The following PINLYP variants were observed in gnomAD, a reference collection of about 807,000 sequenced individuals.
PINLYP encodes phospholipase A2 inhibitor and LY6/PLAUR domain containing.
A neutral mutation model predicts 15.8 loss-of-function variants in PINLYP; 12 were observed. The observed-to-expected ratio is 0.76, with a 90% confidence interval of 0.49 to 1.23. PINLYP has a LOEUF of 1.23. Among genes scored for constraint, PINLYP ranks in the 50% most tolerant of loss-of-function variants. The pLI is 0.00. For synonymous variants in PINLYP, 93 were observed against 97.7 expected, an observed-to-expected ratio of 0.95 and a Z score of 0.28; for missense variants, 278 against 264.2, an observed-to-expected ratio of 1.05 and a Z score of -0.36.
rs1246603230 is a variant in PINLYP, at chr19:43,581,307, A to G, written c.283A>G (p.Met95Val). 2.0e-6 allele frequency: 3 copies of G among 1,536,924 alleles called. No homozygotes were observed. The East Asian group carries it at 7.3e-5, about 38-fold the overall frequency. The stretch of plus-strand genomic sequence containing the variant: ...CACCACCATGGGCCCCAAGGACCAC[A>G]TGGTAACCAGCTCCTTCTGCTGCCA... Residue 95 changes from methionine to valine, a missense_variant, in exon 4 of 6, where the codon ATG becomes GTG. Physicochemically the swap from Met to Val is conservative, Grantham distance 21 (BLOSUM62 1). Transcript: ENST00000599207.
At chr19:43,581,653 G>A (rs1484496896) in exon 5 of PINLYP, 8 of 1,536,352 alleles carry the variant, frequency 5.2e-6, no homozygotes, top group Non-Finnish European at 7.0e-6. Flanking sequence ...ATGACCCACT[G>A]TACTGGAAAG....
At chr19:43,577,354 T>G in intron 2 of PINLYP, 93 bp downstream of exon 2, 1 of 1,244,044 alleles carries the variant, frequency 8.0e-7, no homozygotes, top group South Asian at 1.7e-5. Flanking sequence ...AGAAAGAGCC[T>G]TCAGCAAGTC....
chr19:43,576,388 T>C (rs1972863992), exon 1 of PINLYP, among the ~76,000 whole-genome samples: 1 of 151,824 alleles, frequency 6.6e-6, no homozygotes, highest in Admixed American at 6.6e-5. Context: ...CGAAAAAAAT[T>C]AGCAGATCTC....
chr19:43,575,583 G>A (rs548777286), upstream of PINLYP: 1 of 1,066,360 alleles, frequency 9.4e-7, no homozygotes, highest in Non-Finnish European at 1.3e-6. Context: ...CGCGAGGCTC[G>A]GGCCTTTCAA....
chr19:43,581,344 G>T, exon 4 of PINLYP: 1 of 1,536,804 alleles, frequency 6.5e-7, no homozygotes, highest in Non-Finnish European at 8.7e-7. Flanking sequence ...AGCGACGGCT[G>T]CAACAGTGCC....
chr19:43,580,464 G>A (rs935955787), intron 3 of PINLYP: 14 of 925,858 alleles, frequency 1.5e-5, no homozygotes, highest in Non-Finnish European at 1.8e-5. Flanking sequence ...GAGGATGCCT[G>A]TTGCTGGGAC....
chr19:43,580,519 G>A (rs1042470896), intron 3 of PINLYP: 3 of 985,784 alleles, frequency 3.0e-6, no homozygotes, highest in African/African-American at 3.5e-5. Context: ...GGGTTGGCGG[G>A]GAGTTGAGGA....
intron 3 of PINLYP, among the ~76,000 whole-genome samples, chr19:43,579,918 A>G (rs1330725795): frequency 1.3e-5 from 2 of 151,970 alleles, no homozygotes; most frequent in Admixed American, 1.3e-4. Flanking sequence ...AAAATGGAAG[A>G]GAGAAGATGG....
Position 43,581,271 on chromosome 19 carries a change from G to A in PINLYP, c.247G>A (p.Gly83Ser), listed in dbSNP as rs1048553790. The A allele has an allele frequency of 9.8e-6, 15 of 1,537,008 alleles. No individual in the cohort carries two copies. The highest frequency in any genetic ancestry group is 4.9e-5 in the East Asian group (2 of 40,918). ...CATCAGGTCCCAGGACTGCTACTCCGGCGTTATATCCACCACCATGGGCCC... is the reference window on the plus strand; with the variant it reads ...CATCAGGTCCCAGGACTGCTACTCCAGCGTTATATCCACCACCATGGGCCC... Residue 83 changes from glycine (G) to serine (S), a missense_variant, in exon 4 of 6, where the codon GGC becomes AGC. Transcript: ENST00000599207.
intron 2 of PINLYP, among the ~76,000 whole-genome samples, chr19:43,577,544 T>A (rs1488400936): frequency 6.6e-6 from 1 of 150,888 alleles, no homozygotes; most frequent in Non-Finnish European, 1.5e-5. Flanking sequence ...ACATCTCAAT[T>A]CTAGGAAATC....
At chr19:43,576,620 G>C (rs1030928579) in exon 1 of PINLYP, among the ~76,000 whole-genome samples, 32 of 152,286 alleles carry the variant, frequency 2.1e-4, no homozygotes, top group African/African-American at 7.2e-4. Flanking sequence ...GTGCCTTGGA[G>C]ACCCAAGGGT....
At chr19:43,579,791 A>G (rs926343678) in intron 3 of PINLYP, among the ~76,000 whole-genome samples, 1 of 151,432 alleles carries the variant, frequency 6.6e-6, no homozygotes, top group African/African-American at 2.4e-5. Flanking sequence ...AGTCCCAGCC[A>G]CTTGGGAGGC....
chr19:43,577,230 C>T, exon 2 of PINLYP: 2 of 1,536,074 alleles, frequency 1.3e-6, no homozygotes, highest in Non-Finnish European at 1.7e-6. Flanking sequence ...TTCTGCTGGC[C>T]TTTGTGTTGC....
intron 2 of PINLYP, 72 bp downstream of exon 2, chr19:43,577,333 GATATAGAGAGAGAA>G (rs1972878759): frequency 7.1e-7 from 1 of 1,399,360 alleles, no homozygotes; most frequent in Non-Finnish European, 9.5e-7. Flanking sequence ...GAGAGAGAGA[GATATAGAGAGAGAA>G]AGAGCCTTCA....
chr19:43,581,930 C>A, exon 6 of PINLYP: 2 of 1,536,542 alleles, frequency 1.3e-6, no homozygotes, highest in Non-Finnish European at 8.7e-7. Flanking sequence ...CTTTACCAAG[C>A]CTGGTGCTGA....
At chr19:43,579,046 T>G in intron 3 of PINLYP, 1 of 275,844 alleles carries the variant, frequency 3.6e-6, no homozygotes, top group Non-Finnish European at 7.2e-6. Context: ...AGAATCTAAC[T>G]GGCAGGAGGT....
At position 43,581,337 on chromosome 19, in the gene PINLYP, G is replaced by A. The variant is rs1435619360; in HGVS notation, c.313G>A (p.Asp105Asn). The A allele has an allele frequency of 7.8e-6, 12 of 1,536,816 alleles. 1 individual carries two copies. The highest frequency in any genetic ancestry group is 3.6e-5 in the South Asian group (3 of 84,058). ...AACCAGCTCCTTCTGCTGCCAGAGC[G>A]ACGGCTGCAACAGTGCCTTTTTGTC... The change falls in exon 4 of 6, where the codon GAC becomes AAC. Residue 105 changes from aspartate (D) to asparagine (N), a missense_variant. By Grantham distance (23) the Asp-to-Asn change is conservative. Transcript: ENST00000599207.
At chr19:43,582,038 A>G (rs1048355096) in exon 6 of PINLYP, 2 of 1,534,548 alleles carry the variant, frequency 1.3e-6, no homozygotes, top group African/African-American at 1.4e-5. Context: ...TGTAGTGTGA[A>G]GTCCCCATTT....
chr19:43,577,943 T>G (rs1568521954), intron 2 of PINLYP, among the ~76,000 whole-genome samples: 4 of 152,094 alleles, frequency 2.6e-5, no homozygotes, highest in Admixed American at 1.3e-4. Context: ...ATATATTTTT[T>G]TAAAAGAGGT....
Sources: allele counts gnomAD v4.1 joint callset (sites outside exome capture counted in the v4.1 genomes callset), GRCh38; gene constraint gnomAD v4.1.1; transcripts MANE v1.5; gene names NCBI Gene and HGNC (gene_info 2026-07-23, HGNC 2026-07-21).